HEPH: variants seen among roughly 807,000 people sequenced by gnomAD.
HEPH encodes hephaestin.
In HEPH, 69 loss-of-function variants were observed where a neutral mutation model predicts 80.8. That is an observed-to-expected ratio of 0.85 (90% confidence interval 0.70 to 1.04). HEPH has a LOEUF of 1.04. HEPH is among the 50% of genes least tolerant of loss of function. HEPH has a pLI of 0.00. For synonymous variants in HEPH, 431 were observed against 322.8 expected (o/e 1.34, Z -3.60); for missense variants, 1,115 against 891.3 (o/e 1.25, Z -3.20).
chrX:66,249,301 C>A (rs751452149), intron 15 of HEPH, among the ~76,000 whole-genome samples: 5 of 111,822 alleles, frequency 4.5e-5, no homozygotes, highest in African/African-American at 1.6e-4. Context: ...GAGCTGAAGC[C>A]TTACTTATTT....
intron 2 of HEPH, 46 bp downstream of exon 2, chrX:66,170,783 C>T (rs1273807934): frequency 9.0e-7 from 1 of 1,107,954 alleles, no homozygotes; most frequent in Non-Finnish European, 1.2e-6. Flanking sequence ...TATGGGAGCA[C>T]TCTTGAGGTC....
chrX:66,192,294 G>A lies in HEPH; in HGVS notation c.1228G>A (p.Gly410Ser), dbSNP rs1355141303. 8.3e-7 allele frequency: 1 copy of A among 1,205,727 alleles called. No homozygotes were observed. ...GSTGKNLREP[G>S]SISDKFFQKS... ...TACTGGGAAGAATTTGAGAGAGCCA[G>A]GCAGGTAAGAGGCAGTGGGATCCCT... The change falls in exon 7 of 21, where the codon GGC becomes AGC. Residue 410 changes from glycine to serine, a missense_variant. Transcript: ENST00000343002.
At chrX:66,220,399 C>T (rs2089592934) in intron 15 of HEPH, among the ~76,000 whole-genome samples, 1 of 111,515 alleles carries the variant, frequency 9.0e-6, no homozygotes, top group South Asian at 3.8e-4. Flanking sequence ...CCCATCGATT[C>T]CTAGGTCTAC....
intron 15 of HEPH, among the ~76,000 whole-genome samples, chrX:66,222,730 C>T (rs1346053945): frequency 9.0e-6 from 1 of 111,288 alleles, no homozygotes; most frequent in Non-Finnish European, 1.9e-5. Flanking sequence ...TTTACTAATG[C>T]CCAGTCTGAG....
At chrX:66,192,105 G>A (rs2087822709) in intron 6 of HEPH, 25 bp from the exon 7 acceptor site, 1 of 1,190,203 alleles carries the variant, frequency 8.4e-7, no homozygotes, top group Non-Finnish European at 1.1e-6. Flanking sequence ...ATAGAATGGG[G>A]TCAGCCATAA....
intron 15 of HEPH, among the ~76,000 whole-genome samples, chrX:66,210,490 A>G (rs764691964): frequency 9.0e-6 from 1 of 111,570 alleles, no homozygotes; most frequent in African/African-American, 3.3e-5. Context: ...CTAGGGACTA[A>G]TAGGCTAGAG....
chrX:66,191,492 G>A, intron 6 of HEPH, among the ~76,000 whole-genome samples: 2 of 111,901 alleles, frequency 1.8e-5, no homozygotes, highest in Middle Eastern at 9.2e-3. Flanking sequence ...ATAGCTGAGT[G>A]ACCTCTATAA....
chrX:66,206,339 C>CTTTT (rs760184190), intron 13 of HEPH, among the ~76,000 whole-genome samples: 673 of 14,077 alleles, frequency 0.048, 296 homozygotes, highest in Non-Finnish European at 0.08. Flanking sequence ...AACCTGCCAT[C>CTTTT]TTTTTTTTTT....
intron 8 of HEPH, among the ~76,000 whole-genome samples, chrX:66,193,900 C>CT (rs779109806): frequency 1.8e-5 from 2 of 112,130 alleles, no homozygotes; most frequent in East Asian, 5.6e-4. Context: ...TGAATCTCCA[C>CT]TTTTTTTCAG....
chrX:66,193,970 G>C (rs2087948602), intron 8 of HEPH, among the ~76,000 whole-genome samples: 1 of 111,675 alleles, frequency 9.0e-6, no homozygotes, highest in Non-Finnish European at 1.9e-5. Flanking sequence ...TTCTCTAGAA[G>C]TATTCCTAAA....
chrX:66,229,767 T>C (rs1361252264), intron 15 of HEPH, among the ~76,000 whole-genome samples: 4 of 111,330 alleles, frequency 3.6e-5, no homozygotes, highest in Non-Finnish European at 7.5e-5. Context: ...GAAAATTTAC[T>C]CTTTTTTTTT....
chrX:66,259,803 G>A (rs2091299525), intron 18 of HEPH, among the ~76,000 whole-genome samples: 1 of 109,068 alleles, frequency 9.2e-6, no homozygotes, highest in Non-Finnish European at 1.9e-5. Context: ...ACGGCTTCTG[G>A]GTTCACACCA....
chrX:66,186,410 C>T (rs1486646118), intron 4 of HEPH, among the ~76,000 whole-genome samples: 6 of 111,848 alleles, frequency 5.4e-5, no homozygotes, highest in East Asian at 5.7e-4. Context: ...TCGTGGTGCG[C>T]GGTTTCTTAA....
intron 13 of HEPH, among the ~76,000 whole-genome samples, chrX:66,204,432 G>A (rs373690296): frequency 3.8e-4 from 43 of 112,209 alleles, no homozygotes; most frequent in South Asian, 1.8e-3. Flanking sequence ...TGCGTTGTTC[G>A]TTGAAGGTTG....
In HEPH at chrX:66,207,200, G is replaced by C. The variant is rs1424594591; in HGVS notation, c.2297G>C (p.Gly766Ala). 1 of 1,205,841 alleles carries C rather than the reference G, an allele frequency of 8.3e-7. No homozygotes were observed. The highest frequency in any genetic ancestry group is 1.8e-5 in the South Asian group (1 of 56,338). The change falls in exon 14 of 21, where the codon GGT (glycine) becomes GCT (alanine). Residue 766 changes from glycine to alanine, a missense_variant. Around this residue, in one of 3 missense-constraint regions of HEPH, gnomAD observed 716 missense variants for 523.5 expected, o/e 1.37. Coordinates refer to ENST00000343002, the MANE Select transcript of HEPH (RefSeq NM_001367233.3). ...TACTCTTTGGATTCCTCTAGTTATGGTTACATTTTCCTGAGCAACAAGGAT... is the reference window on the plus strand; with the variant it reads ...TACTCTTTGGATTCCTCTAGTTATGCTTACATTTTCCTGAGCAACAAGGAT... ...WHNQSEKDSYGYIFLSNKDGL... is the reference protein window; with the variant it reads ...WHNQSEKDSYAYIFLSNKDGL...
In HEPH at chrX:66,195,222, C is replaced by A; in HGVS notation, c.1494C>A (p.Tyr498Ter). The A allele has an allele frequency of 8.5e-7, 1 of 1,170,280 alleles. No homozygotes were observed. The highest frequency in any genetic ancestry group is 1.1e-6 in the Non-Finnish European group (1 of 875,081). Residue 498 changes from tyrosine (Y) to a stop codon, truncating the protein, a stop_gained, in exon 9 of 21, where the codon TAC (tyrosine) becomes TAA (stop). Coordinates refer to ENST00000343002, the MANE Select transcript of HEPH (RefSeq NM_001367233.3). LOFTEE classifies it high-confidence loss of function. Reference protein sequence around the residue: ...FYEKDYEGTVYNDGSSYPGLV... With the variant: ...FYEKDYEGTV ...AGAAAGACTATGAAGGCACTGTGTACAATGATGGTGAGCCAACAGGGTTTC... is the reference window on the plus strand; with the variant it reads ...AGAAAGACTATGAAGGCACTGTGTAAAATGATGGTGAGCCAACAGGGTTTC...
intron 16 of HEPH, 112 bp from the exon 17 acceptor site, chrX:66,255,993 G>A: frequency 2.1e-6 from 1 of 484,299 alleles, no homozygotes; most frequent in East Asian, 3.6e-5. Flanking sequence ...ATATCATGAG[G>A]AAATGCTGAG....
chrX:66,255,532 T>A (rs2091150499), intron 16 of HEPH, among the ~76,000 whole-genome samples: 1 of 112,080 alleles, frequency 8.9e-6, no homozygotes, highest in Non-Finnish European at 1.9e-5. Flanking sequence ...GCCTCTGTTT[T>A]CTCATCTGGA....
At chrX:66,190,652 T>A (rs2087740397) in intron 6 of HEPH, among the ~76,000 whole-genome samples, 1 of 112,107 alleles carries the variant, frequency 8.9e-6, no homozygotes, top group Non-Finnish European at 1.9e-5. Context: ...TCTTCAGCTG[T>A]CATTTTCTAG....
Sources: gnomAD v4.1 joint callset for allele counts (sites outside exome capture counted in the v4.1 genomes callset) on GRCh38, gnomAD v4.1.1 for gene constraint, gnomAD v4.1.1 regional missense constraint, MANE v1.5 for transcripts, NCBI Gene and HGNC (gene_info 2026-07-23, HGNC 2026-07-21) for gene names.